FANCA: variants seen among roughly 807,000 people sequenced by gnomAD.
FANCA encodes the protein FA complementation group A, also known as Fanconi anemia group A protein.
In FANCA, 236 loss-of-function variants were observed where a neutral mutation model predicts 194.3. The observed-to-expected ratio is 1.21, with a 90% confidence interval of 1.09 to 1.35. The LOEUF (loss-of-function observed/expected upper bound fraction) is 1.35, where lower values mean the gene tolerates loss of function less well. Among genes scored for constraint, FANCA ranks in the 40% most tolerant of loss-of-function variants. The pLI is 0.00. For synonymous variants in FANCA, 1,014 were observed against 715.8 expected (o/e 1.42, Z -6.65); for missense variants, 2,628 against 1,813.9 (o/e 1.45, Z -8.15).
Position 89,815,950 on chromosome 16 carries a change from C to T in FANCA, c.116G>A (p.Arg39Lys), listed in dbSNP as rs151089298. 3.2e-5 allele frequency: 51 copies of T among 1,614,120 alleles called. No homozygotes were observed. The African/African-American group carries it at 6.3e-4, about 20-fold the overall frequency. ...RVKREKYNPE[R>K]AQKLKESAVR... ...AGCTGATTCCTTTAATTTCTGTGCC[C>T]TTTCAGGATTATATTTTTCCCTCTT... The change falls in exon 2 of 43, where the codon AGG (arginine) becomes AAG (lysine). Residue 39 changes from arginine to lysine, a missense_variant. By Grantham distance (26) the Arg-to-Lys change is conservative. Transcript: ENST00000389301.
chr16:89,809,163 C>A (rs146156398), intron 5 of FANCA, among the ~76,000 whole-genome samples: 5 of 151,960 alleles, frequency 3.3e-5, no homozygotes, highest in African/African-American at 1.2e-4. Context: ...GCCTCGGCCT[C>A]CCAAAGTGCT....
chr16:89,763,765 T>G (rs1162546472), intron 28 of FANCA, among the ~76,000 whole-genome samples: 1 of 151,370 alleles, frequency 6.6e-6, no homozygotes, highest in Non-Finnish European at 1.5e-5. Flanking sequence ...AAACCCCATC[T>G]CTACTAAAAA....
intron 31 of FANCA, among the ~76,000 whole-genome samples, chr16:89,750,317 T>C (rs2038540459): frequency 6.6e-6 from 1 of 151,490 alleles, no homozygotes; most frequent in South Asian, 2.1e-4. Context: ...CTGTCGCTAC[T>C]AAAAAATACA....
At chr16:89,740,969 G>A in intron 37 of FANCA, 103 bp from the exon 38 acceptor site, 1 of 1,053,212 alleles carries the variant, frequency 9.5e-7, no homozygotes, top group East Asian at 2.6e-5. Context: ...TTTACATCTA[G>A]GCCATAAATC....
In FANCA at chr16:89,770,034, G is replaced by C. The variant is rs757166295; in HGVS notation, c.2317-10C>G. Reference sequence around the variant, plus strand: ...CACTCAGGCTCGGGCCCTGCAACGAGAATGAGGGTGGCAGAGCAGACTGCC... The same window carrying C: ...CACTCAGGCTCGGGCCCTGCAACGACAATGAGGGTGGCAGAGCAGACTGCC... On this transcript the variant is annotated splice_polypyrimidine_tract_variant and intron_variant, in intron 25 of 42. Coordinates refer to ENST00000389301, the MANE Select transcript of FANCA (RefSeq NM_000135.4). 7.4e-6 allele frequency: 12 copies of C among 1,612,322 alleles called. No homozygotes were observed. The South Asian group carries it at 1.2e-4, about 16-fold the overall frequency.
rs74534329 is a variant in FANCA at position 89,773,537 on chromosome 16, T to C, written c.1901-153A>G. ...GACTGGGAGTCTCTGAGGAGGTAAA[T>C]GAGGTGTCTTCCCTGATGCTGGATG... On this transcript the variant is annotated intron_variant, in intron 21 of 42. Coordinates refer to ENST00000389301, the MANE Select transcript of FANCA (RefSeq NM_000135.4). Among the ~76,000 whole-genome samples the C allele has an allele frequency of 5.9e-5, 9 of 152,220 alleles. No homozygotes were observed. In the East Asian group the frequency reaches 1.7e-3, roughly 29 times the overall value.
chr16:89,741,969 C>T (rs192301846), intron 37 of FANCA, among the ~76,000 whole-genome samples: 3 of 149,486 alleles, frequency 2.0e-5, no homozygotes, highest in African/African-American at 7.6e-5. Context: ...TTACTTTAAA[C>T]AAATTTTTTT....
At chr16:89,793,785 C>A (rs759581912) in intron 11 of FANCA, among the ~76,000 whole-genome samples, 3 of 152,144 alleles carry the variant, frequency 2.0e-5, no homozygotes, top group Non-Finnish European at 2.9e-5. Flanking sequence ...GAGTCTCACT[C>A]TGTCACCCAG....
chr16:89,744,803 C>A (rs1327759773), intron 36 of FANCA, 156 bp downstream of exon 36: 19 of 730,342 alleles, frequency 2.6e-5, no homozygotes, highest in Admixed American at 1.8e-4. Flanking sequence ...ATTACAGGCG[C>A]CCACCACCAC....
chr16:89,770,051 C>A (rs751750152), intron 25 of FANCA, 27 bp from the exon 26 acceptor site: 15 of 1,608,588 alleles, frequency 9.3e-6, no homozygotes, highest in Middle Eastern at 1.6e-4. Context: ...GGTGGCAGAG[C>A]AGACTGCCCT....
At chr16:89,775,584 G>T (rs191685702) in intron 21 of FANCA, among the ~76,000 whole-genome samples, 158 bp downstream of exon 21, 12 of 152,336 alleles carry the variant, frequency 7.9e-5, no homozygotes, top group Admixed American at 7.8e-4. Flanking sequence ...GCTGGCACTG[G>T]GCGTCAGCAT....
chr16:89,748,827 G>A lies in FANCA; in HGVS notation c.3240-60C>T, dbSNP rs2038480873. 6 of 1,406,174 alleles carry A rather than the reference G, an allele frequency of 4.3e-6. No homozygotes were observed. The East Asian group carries it at 1.4e-4, about 33-fold the overall frequency. 87.1% of individuals were successfully genotyped at this position (1,406,174 alleles called of 1,614,324 possible). On this transcript the variant is annotated intron_variant, in intron 32 of 42. Transcript: ENST00000389301. ...CAGCGTACACTCTGCTCCTTCCCAA[G>A]GGCTCAGACTCTCAGAGCAGCAACC...
chr16:89,797,093 G>A (rs2040273895), intron 10 of FANCA, among the ~76,000 whole-genome samples: 1 of 152,124 alleles, frequency 6.6e-6, no homozygotes, highest in Non-Finnish European at 1.5e-5. Context: ...CCAGGGAGCG[G>A]AGCTTGCAGT....
intron 14 of FANCA, among the ~76,000 whole-genome samples, chr16:89,790,538 GA>G (rs2040035161): frequency 6.6e-6 from 1 of 152,100 alleles, no homozygotes; most frequent in South Asian, 2.1e-4. Context: ...AGACCAGCCT[GA>G]CCAACATGGT....
In FANCA at chr16:89,782,878, G is replaced by A; in HGVS notation, c.1607C>T (p.Ser536Leu). The A allele has an allele frequency of 6.2e-7, 1 of 1,614,094 alleles. No homozygotes were observed. The highest frequency in any genetic ancestry group is 8.5e-7 in the Non-Finnish European group (1 of 1,179,932). The change falls in exon 17 of 43, where the codon TCA becomes TTA. Residue 536 changes from serine (S) to leucine (L), a missense_variant. Ser to Leu is a moderately radical substitution (Grantham distance 145, BLOSUM62 -2). Coordinates refer to ENST00000389301, the MANE Select transcript of FANCA (RefSeq NM_000135.4). ...CATTACCTCAGTAATGTCCCCAGCT[G>A]ATGACAAATCCTCGTAGAGTCCCAT... ...ENMGLYEDLS[S>L]AGDITEPHSQ... is the part of the protein sequence containing the mutation.
Position 89,737,681 on chromosome 16 carries a change from C to G in FANCA, c.*920G>C. On this transcript the variant is annotated 3_prime_UTR_variant, in exon 43 of 43. Coordinates refer to ENST00000389301, the MANE Select transcript of FANCA (RefSeq NM_000135.4). ...GGCCCTCATAGGCCCCTTGCTTGGGCCCACTGCATGGTGAACCATGTGCAG... is the reference window on the plus strand; with the variant it reads ...GGCCCTCATAGGCCCCTTGCTTGGGGCCACTGCATGGTGAACCATGTGCAG... 1 of 1,536,802 alleles carries G rather than the reference C, an allele frequency of 6.5e-7. No homozygotes were observed. The highest frequency in any genetic ancestry group is 8.8e-7 in the Non-Finnish European group (1 of 1,140,916).
intron 6 of FANCA, among the ~76,000 whole-genome samples, chr16:89,805,643 C>T (rs2040614135): frequency 6.6e-6 from 1 of 152,086 alleles, no homozygotes; most frequent in Non-Finnish European, 1.5e-5. Context: ...ACTACTTTGC[C>T]CAGGCTGGAC....
chr16:89,775,975 AT>A (rs1360431788), intron 20 of FANCA, among the ~76,000 whole-genome samples, 160 bp from the exon 21 acceptor site: 1 of 151,720 alleles, frequency 6.6e-6, no homozygotes, highest in African/African-American at 2.4e-5. Flanking sequence ...ATATTAAAAA[AT>A]ATATATAGAT....
At chr16:89,754,251 C>CA (rs966188788) in intron 30 of FANCA, among the ~76,000 whole-genome samples, 13 of 60,108 alleles carry the variant, frequency 2.2e-4, no homozygotes, top group Non-Finnish European at 1.1e-4. Context: ...AAAACAACAA[C>CA]AAAAAAAACA....
Sources: gnomAD v4.1 joint callset for allele counts (sites outside exome capture counted in the v4.1 genomes callset) on GRCh38, gnomAD v4.1.1 for gene constraint, MANE v1.5 for transcripts, NCBI Gene and HGNC (gene_info 2026-07-23, HGNC 2026-07-21) for gene names.